The following SCN10A variants were observed in gnomAD, a reference collection of about 807,000 sequenced individuals.
SCN10A encodes the protein sodium voltage-gated channel alpha subunit 10, also known as sodium channel protein type 10 subunit alpha.
SCN10A carries 162 observed loss-of-function variants against 170.7 expected under a neutral mutation model. The observed-to-expected ratio is 0.95, with a 90% CI of 0.84 to 1.08. The LOEUF is 1.08. Among genes scored for constraint, SCN10A ranks in the 50% least tolerant of loss-of-function variants. The probability of loss-of-function intolerance (pLI) is 0.00; values close to 1 mark genes in which losing one functional copy is unlikely to be tolerated. For missense variants in SCN10A, 2,527 were observed against 2,436.9 expected (o/e 1.04, Z -0.78); for synonymous variants, 985 against 904.6 (o/e 1.09, Z -1.59).
rs1319837097 is a variant in SCN10A, at chr3:38,752,348, AC to A, written c.1625del (p.Gly542ValfsTer60). 6.2e-7 allele frequency: 1 copy of A among 1,613,170 alleles called. No individual in the cohort carries two copies. The highest frequency in any genetic ancestry group is 2.2e-5 in the East Asian group (1 of 44,806). ...TAGGGAGGGGGCCTTGCTGGCCAGC[AC>A]CCCCACCCAGCAGCAGAGAGCCCCG... ...SHRGSLLLGG[G>X]AGQQGPLPRS... On this transcript the variant is annotated frameshift_variant, in exon 12 of 28. Coordinates refer to ENST00000449082, the MANE Select transcript of SCN10A (RefSeq NM_006514.4). LOFTEE classifies it high-confidence loss of function.
At chr3:38,775,815 G>A (rs1337821694) in intron 4 of SCN10A, among the ~76,000 whole-genome samples, 6 of 151,988 alleles carry the variant, frequency 3.9e-5, no homozygotes, top group African/African-American at 9.7e-5. Context: ...TGTTTTTCTT[G>A]TTTCTTCTCC....
intron 15 of SCN10A, among the ~76,000 whole-genome samples, chr3:38,736,962 C>CGTTTTTTTTTT (rs2063568072): frequency 5.8e-5 from 4 of 69,244 alleles, no homozygotes; most frequent in African/African-American, 1.6e-4. Context: ...CAGAAATGTT[C>CGTTTTTTTTTT]GTTTTTTTTT....
chr3:38,701,619 G>A (rs2063156921), intron 27 of SCN10A, among the ~76,000 whole-genome samples: 4 of 152,204 alleles, frequency 2.6e-5, no homozygotes, highest in South Asian at 4.1e-4. Context: ...AAAACACTTC[G>A]TGTGAGCATG....
chr3:38,732,424 C>G (rs2063521334), intron 15 of SCN10A, among the ~76,000 whole-genome samples: 1 of 152,136 alleles, frequency 6.6e-6, no homozygotes, highest in South Asian at 2.1e-4. Flanking sequence ...GTAGACACTC[C>G]CAGGAGAGCT....
chr3:38,724,377 A>T (rs1408948671), intron 18 of SCN10A, among the ~76,000 whole-genome samples: 1 of 152,240 alleles, frequency 6.6e-6, no homozygotes, highest in African/African-American at 2.4e-5. Flanking sequence ...GTCAAATTAA[A>T]TTCTTGAATT....
At chr3:38,719,424 C>T (rs1265757156) in intron 20 of SCN10A, among the ~76,000 whole-genome samples, 4 of 113,398 alleles carry the variant, frequency 3.5e-5, no homozygotes, top group Admixed American at 2.5e-4. Flanking sequence ...GACGGAGTCT[C>T]GCTCTGTCGC....
At chr3:38,728,961 GT>G in intron 15 of SCN10A, 60 bp from the exon 16 acceptor site, 1 of 1,527,322 alleles carries the variant, frequency 6.5e-7, no homozygotes, top group East Asian at 2.3e-5. Context: ...TTCATCTAAA[GT>G]TTTGCCTGGA....
At chr3:38,716,633 A>T (rs1471152668) in intron 21 of SCN10A, among the ~76,000 whole-genome samples, 1 of 152,182 alleles carries the variant, frequency 6.6e-6, no homozygotes, top group East Asian at 1.9e-4. Flanking sequence ...TATATTTTTT[A>T]AAATTTTAAA....
chr3:38,770,013 G>A (rs1291616280), intron 5 of SCN10A, among the ~76,000 whole-genome samples: 1 of 152,212 alleles, frequency 6.6e-6, no homozygotes, highest in Admixed American at 6.5e-5. Flanking sequence ...GATAGATTTA[G>A]TGTGCTGGCT....
At chr3:38,725,366 G>A in intron 17 of SCN10A, 52 bp from the exon 18 acceptor site, 1 of 1,494,726 alleles carries the variant, frequency 6.7e-7, no homozygotes. Context: ...TAGATGACCA[G>A]TTCTAAATTT....
rs556305053 is a variant in SCN10A at position 38,697,236 on chromosome 3, C to T, written c.*113G>A. 2.9e-5 allele frequency: 44 copies of T among 1,500,130 alleles called. No homozygotes were observed. Among genetic ancestry groups the T allele is most frequent in the Non-Finnish European group, 3.6e-5 (40 of 1,121,372 alleles). The allele number at this position is 1,500,130 out of a possible 1,614,324, so 92.9% of individuals were successfully genotyped here. ...TCCCTGCCCAGTTCTGACATTGTGA[C>T]CAGTGGCATGCATTGGTGAGGCTGT... On this transcript the variant is annotated 3_prime_UTR_variant, in exon 28 of 28. Transcript: ENST00000449082.
chr3:38,748,002 T>C (rs1420191966), intron 13 of SCN10A, among the ~76,000 whole-genome samples: 4 of 152,156 alleles, frequency 2.6e-5, no homozygotes, highest in Admixed American at 6.5e-5. Flanking sequence ...TCCCAGCACC[T>C]GAAGCAATGC....
intron 10 of SCN10A, among the ~76,000 whole-genome samples, 198 bp from the exon 11 acceptor site, chr3:38,756,156 T>A (rs1455735064): frequency 6.6e-6 from 1 of 152,142 alleles, no homozygotes; most frequent in African/African-American, 2.4e-5. Context: ...GGGTACTCTG[T>A]TGGTGCCCCA....
intron 1 of SCN10A, among the ~76,000 whole-genome samples, chr3:38,794,555 T>C (rs149103805): frequency 2.6e-5 from 4 of 152,348 alleles, no homozygotes; most frequent in African/African-American, 4.8e-5. Flanking sequence ...GAGAATTTCA[T>C]TGGGACCTCC....
rs1425242873 is a variant in SCN10A, at chr3:38,697,551, G to T, written c.5669C>A (p.Pro1890Gln). 1.9e-6 allele frequency: 3 copies of T among 1,614,158 alleles called. No homozygotes were observed. Among genetic ancestry groups the T allele is most frequent in the Admixed American group, 1.7e-5 (1 of 60,010 alleles). ...PRAEEEAASLPDEGFVAFTAN... is the reference protein window; with the variant it reads ...PRAEEEAASLQDEGFVAFTAN... ...TGTGAATGCAACAAAACCTTCATCT[G>T]GGAGTGATGCAGCCTCCTCCTCAGC... The change falls in exon 28 of 28, where the codon CCA (proline) becomes CAA (glutamine). Residue 1890 changes from proline (P) to glutamine (Q), a missense_variant. Transcript: ENST00000449082.
At chr3:38,754,418 T>C (rs1355460007) in intron 11 of SCN10A, among the ~76,000 whole-genome samples, 1 of 152,256 alleles carries the variant, frequency 6.6e-6, no homozygotes, top group Non-Finnish European at 1.5e-5. Flanking sequence ...GCACCTAGTA[T>C]TGTTGAATGA....
chr3:38,774,174 A>G (rs1414151449), intron 4 of SCN10A, among the ~76,000 whole-genome samples: 1 of 152,196 alleles, frequency 6.6e-6, no homozygotes, highest in Non-Finnish European at 1.5e-5. Flanking sequence ...CTGGTTGCAT[A>G]GCTGCTTGAG....
intron 13 of SCN10A, among the ~76,000 whole-genome samples, chr3:38,746,306 A>G (rs12638572): frequency 0.4 from 60,614 of 150,702 alleles, 13,045 homozygotes; most frequent in East Asian, 0.79. Context: ...ATCTTAAGGC[A>G]CTTATACCAG....
chr3:38,713,824 C>T lies in SCN10A; in HGVS notation c.3804+134G>A, dbSNP rs997871560. ...TGTACTTTTAGCAGAGACAGGGTTTCGGCATGTTGGCCAGGGTGGTTTTGA... is the reference window on the plus strand; with the variant it reads ...TGTACTTTTAGCAGAGACAGGGTTTTGGCATGTTGGCCAGGGTGGTTTTGA... On this transcript the variant is annotated intron_variant, in intron 22 of 27. Transcript: ENST00000449082. 29 of 980,792 alleles carry T rather than the reference C, an allele frequency of 3.0e-5. No individual in the cohort carries two copies. The Admixed American group carries it at 3.1e-4, about 10-fold the overall frequency. The allele number at this position is 980,792 out of a possible 1,614,324, so 60.8% of individuals were successfully genotyped here.
Sources: gnomAD v4.1 joint callset for allele counts (sites outside exome capture counted in the v4.1 genomes callset) on GRCh38, gnomAD v4.1.1 for gene constraint, MANE v1.5 for transcripts, NCBI Gene and HGNC (gene_info 2026-07-23, HGNC 2026-07-21) for gene names.